The following NEK7 variants were observed in gnomAD, a reference collection of about 807,000 sequenced individuals.
NEK7 encodes serine/threonine-protein kinase Nek7.
NEK7 carries 18 observed loss-of-function variants against 44.6 expected under a neutral mutation model. The observed-to-expected ratio is 0.40, with a 90% CI of 0.28 to 0.60. The LOEUF (loss-of-function observed/expected upper bound fraction) is 0.60, where lower values mean the gene tolerates loss of function less well. NEK7 is among the 20% of genes least tolerant of loss of function. The pLI is 0.38. For missense variants in NEK7, 256 were observed against 366.5 expected (o/e 0.70, Z 2.46); for synonymous variants, 130 against 121.1 (o/e 1.07, Z -0.48).
intron 6 of NEK7, among the ~76,000 whole-genome samples, chr1:198,278,530 T>C (rs577177712): frequency 7.2e-5 from 11 of 151,962 alleles, no homozygotes; most frequent in Admixed American, 7.2e-4. Flanking sequence ...TTAAGATTTT[T>C]AAAGCCATCT....
At chr1:198,309,500 G>A (rs1484965534) in intron 9 of NEK7, among the ~76,000 whole-genome samples, 1 of 151,988 alleles carries the variant, frequency 6.6e-6, no homozygotes, top group Non-Finnish European at 1.5e-5. Flanking sequence ...ACAATGTGCA[G>A]GTTAGTTACA....
intron 9 of NEK7, among the ~76,000 whole-genome samples, chr1:198,298,600 C>T (rs1289360476): frequency 6.6e-6 from 1 of 152,158 alleles, no homozygotes; most frequent in Non-Finnish European, 1.5e-5. Flanking sequence ...AAACCAACTT[C>T]AGAACTATAG....
chr1:198,245,698 T>C (rs1400420776), intron 2 of NEK7, among the ~76,000 whole-genome samples: 1 of 152,148 alleles, frequency 6.6e-6, no homozygotes, highest in Non-Finnish European at 1.5e-5. Flanking sequence ...CCTCATTTGA[T>C]AGTGGAAGAA....
At chr1:198,285,052 C>T (rs1376916586) in intron 7 of NEK7, among the ~76,000 whole-genome samples, 3 of 152,070 alleles carry the variant, frequency 2.0e-5, no homozygotes, top group Non-Finnish European at 2.9e-5. Flanking sequence ...GCTTCACTCC[C>T]ACTCCACCCC....
chr1:198,176,123 G>A (rs1196113699), intron 1 of NEK7, among the ~76,000 whole-genome samples: 1 of 152,040 alleles, frequency 6.6e-6, no homozygotes, highest in African/African-American at 2.4e-5. Context: ...CTCTTGTTTT[G>A]TTTTCTAACT....
intron 1 of NEK7, among the ~76,000 whole-genome samples, chr1:198,198,474 G>A (rs1311838952): frequency 2.0e-5 from 3 of 152,136 alleles, no homozygotes; most frequent in Admixed American, 2.0e-4. Context: ...CAGGCCCAGA[G>A]AGTTTAAGGT....
intron 3 of NEK7, among the ~76,000 whole-genome samples, chr1:198,258,833 A>G (rs575485318): frequency 1.3e-5 from 2 of 152,300 alleles, no homozygotes; most frequent in African/African-American, 4.8e-5. Flanking sequence ...TGTACATATT[A>G]TATGCAAGAT....
At chr1:198,199,152 A>G (rs1665339034) in intron 1 of NEK7, among the ~76,000 whole-genome samples, 1 of 152,238 alleles carries the variant, frequency 6.6e-6, no homozygotes, top group Non-Finnish European at 1.5e-5. Flanking sequence ...TTTATTGTAT[A>G]ATGCTTTTGG....
At chr1:198,235,696 A>G (rs1218446798) in intron 2 of NEK7, among the ~76,000 whole-genome samples, 1 of 152,150 alleles carries the variant, frequency 6.6e-6, no homozygotes, top group Non-Finnish European at 1.5e-5. Context: ...ATTTTTTTCC[A>G]AAAAGTTAAT....
chr1:198,204,574 C>G (rs1260432199), intron 1 of NEK7, among the ~76,000 whole-genome samples: 2 of 151,802 alleles, frequency 1.3e-5, no homozygotes, highest in African/African-American at 4.8e-5. Flanking sequence ...AAAAAATTAG[C>G]CGGGCAAGGT....
At chr1:198,274,036 A>C (rs1299703237) in intron 5 of NEK7, among the ~76,000 whole-genome samples, 1 of 151,388 alleles carries the variant, frequency 6.6e-6, no homozygotes, top group Non-Finnish European at 1.5e-5. Flanking sequence ...GGATTGTGTT[A>C]GTGGCACATT....
intron 1 of NEK7, among the ~76,000 whole-genome samples, chr1:198,219,135 A>T (rs186131484): frequency 0.012 from 1,841 of 151,992 alleles, 14 homozygotes; most frequent in Middle Eastern, 0.024. Flanking sequence ...ACAATTTATA[A>T]TTGCAAAGAA....
intron 2 of NEK7, among the ~76,000 whole-genome samples, chr1:198,245,500 C>G (rs1666811798): frequency 6.6e-6 from 1 of 152,098 alleles, no homozygotes; most frequent in African/African-American, 2.4e-5. Context: ...CAAAGATGAG[C>G]TGTGGTTTGC....
intron 1 of NEK7, among the ~76,000 whole-genome samples, chr1:198,227,017 C>T (rs542506443): frequency 8.5e-5 from 13 of 152,178 alleles, no homozygotes; most frequent in Admixed American, 3.9e-4. Flanking sequence ...ATTCCTCCCC[C>T]GCTCCCCCAC....
chr1:198,231,927 G>C (rs1295225881), intron 1 of NEK7, among the ~76,000 whole-genome samples: 1 of 152,070 alleles, frequency 6.6e-6, no homozygotes, highest in Non-Finnish European at 1.5e-5. Context: ...CAGTGCAAAT[G>C]TAGTTCCTGG....
intron 1 of NEK7, among the ~76,000 whole-genome samples, chr1:198,170,372 G>A (rs1429377505): frequency 3.3e-5 from 5 of 152,116 alleles, no homozygotes; most frequent in Admixed American, 6.5e-5. Context: ...TAAAGTGAGA[G>A]ATAAGTCCTG....
chr1:198,271,924 T>TATATAC (rs1491392729), intron 5 of NEK7, among the ~76,000 whole-genome samples: 15 of 134,562 alleles, frequency 1.1e-4, no homozygotes, highest in African/African-American at 3.7e-4. Context: ...TATATATATA[T>TATATAC]ACACACACAC....
rs578168086 is a variant in NEK7, at chr1:198,211,375, A to G, written c.-28-21178A>G. On this transcript the variant is annotated intron_variant, in intron 1 of 9. Transcript: ENST00000367385. ...ATTGTTACAAAAGAATGAAATATGA[A>G]AACCCTATACACAATTCTCTTTTCC... Among the ~76,000 whole-genome samples, 9 of 152,334 alleles carry G rather than the reference A, an allele frequency of 5.9e-5. 1 individual carries two copies. The South Asian group carries it at 1.9e-3, about 32-fold the overall frequency.
At chr1:198,181,592 C>T (rs917638284) in intron 1 of NEK7, among the ~76,000 whole-genome samples, 2 of 152,196 alleles carry the variant, frequency 1.3e-5, no homozygotes, top group Non-Finnish European at 2.9e-5. Flanking sequence ...CTTTTATCCT[C>T]TGTATCATAT....
Sources: gnomAD v4.1 joint callset for allele counts (sites outside exome capture counted in the v4.1 genomes callset) on GRCh38, gnomAD v4.1.1 for gene constraint, MANE v1.5 for transcripts, NCBI Gene and HGNC (gene_info 2026-07-23, HGNC 2026-07-21) for gene names.